PANK3: variants seen among roughly 807,000 people sequenced by gnomAD.
PANK3 encodes the protein pantothenate kinase 3, also known as hPanK3.
A neutral mutation model predicts 39.4 loss-of-function variants in PANK3; 20 were observed. That is an observed-to-expected ratio of 0.51 (90% CI 0.36 to 0.74). The LOEUF is 0.74. PANK3 is among the 30% of genes least tolerant of loss of function. The probability of loss-of-function intolerance (pLI) is 0.00; values close to 1 mark genes in which losing one functional copy is unlikely to be tolerated. For missense variants in PANK3, 265 were observed against 437.0 expected, an observed-to-expected ratio of 0.61 and a Z score of 3.51; for synonymous variants, 140 against 157.3, an observed-to-expected ratio of 0.89 and a Z score of 0.82.
At chr5:168,578,240 A>T (rs1759762546) in intron 1 of PANK3, among the ~76,000 whole-genome samples, 1 of 152,224 alleles carries the variant, frequency 6.6e-6, no homozygotes, top group Non-Finnish European at 1.5e-5. Context: ...CCTTACAGTT[A>T]TATAGGAATT....
At position 168,551,930 on chromosome 5, in the gene PANK3, C is replaced by A. The variant is rs1284605590; in HGVS notation, c.*5641G>T. 6.6e-6 allele frequency: 1 copy of A among 152,148 alleles called. No homozygotes were observed. The highest frequency in any genetic ancestry group is 2.4e-5 in the African/African-American group (1 of 41,420). The allele number at this position is 152,148 out of a possible 1,614,324, so 9.4% of individuals were successfully genotyped here. A position where few individuals can be genotyped will look rare whatever the true frequency, so the allele number is the denominator to read the frequency against. ...TCCAACTTTATTTAGAGTAGCTGAG[C>A]AAGGAACTGCCATGTCAAATTACAT... On this transcript the variant is annotated 3_prime_UTR_variant, in exon 7 of 7. Coordinates refer to ENST00000239231, the MANE Select transcript of PANK3 (RefSeq NM_024594.4).
chr5:168,563,640 ATTTGTAT>A (rs1225026354), intron 4 of PANK3, among the ~76,000 whole-genome samples: 1 of 151,528 alleles, frequency 6.6e-6, no homozygotes, highest in African/African-American at 2.4e-5. Context: ...AAAAATATGT[ATTTGTAT>A]TTGCATAAAC....
At chr5:168,565,554 A>G (rs1292966942) in intron 3 of PANK3, among the ~76,000 whole-genome samples, 2 of 152,162 alleles carry the variant, frequency 1.3e-5, no homozygotes, top group Non-Finnish European at 2.9e-5. Context: ...TAAAATCAAT[A>G]GAACACTGTT....
Position 168,561,440 on chromosome 5 carries a change from T to C in PANK3, c.889A>G (p.Ile297Val), listed in dbSNP as rs758358933. ...EDLARATLVTITNNIGSVARM... is the reference protein window; with the variant it reads ...EDLARATLVTVTNNIGSVARM... ...GCCACAGAACCAATGTTATTGGTGA[T>C]AGTAACTAAAGTAGCTCTTGCCAGA... Residue 297 changes from isoleucine to valine, a missense_variant, in exon 5 of 7, where the codon ATC (isoleucine) becomes GTC (valine). By Grantham distance (29) the Ile-to-Val change is conservative. Coordinates refer to ENST00000239231, the MANE Select transcript of PANK3 (RefSeq NM_024594.4). The C allele has an allele frequency of 2.1e-5, 33 of 1,603,532 alleles. No homozygotes were observed. Among genetic ancestry groups the C allele is most frequent in the East Asian group, 2.2e-5 (1 of 44,494 alleles).
Position 168,557,478 on chromosome 5 carries a change from T to C in PANK3, c.*93A>G. 1 of 1,146,510 alleles carries C rather than the reference T, an allele frequency of 8.7e-7. No individual in the cohort carries two copies. Among genetic ancestry groups the C allele is most frequent in the Non-Finnish European group, 1.3e-6 (1 of 769,822 alleles). The allele number at this position is 1,146,510 out of a possible 1,614,324, so 71.0% of individuals were successfully genotyped here. On this transcript the variant is annotated 3_prime_UTR_variant, in exon 7 of 7. Coordinates refer to ENST00000239231, the MANE Select transcript of PANK3 (RefSeq NM_024594.4). ...AGCAGCTTATGCTACTCTTTTATCC[T>C]TTGGTTCCCAGTGACAAACAATGCA...
At position 168,554,192 on chromosome 5, in the gene PANK3, T is replaced by C. The variant is rs2113099039; in HGVS notation, c.*3379A>G. 6.6e-6 allele frequency: 1 copy of C among 152,372 alleles called. No individual in the cohort carries two copies. Among genetic ancestry groups the C allele is most frequent in the South Asian group, 2.1e-4 (1 of 4,832 alleles). The allele number at this position is 152,372 out of a possible 1,614,324, so 9.4% of individuals were successfully genotyped here. A position where few individuals can be genotyped will look rare whatever the true frequency, so the allele number is the denominator to read the frequency against. On this transcript the variant is annotated 3_prime_UTR_variant, in exon 7 of 7. Coordinates refer to ENST00000239231, the MANE Select transcript of PANK3 (RefSeq NM_024594.4). ...CAAGTTAACACTGGAGGTCCAATAG[T>C]TTAGTGAAGTTGTTTTGAGACTCTT...
chr5:168,561,636 T>A (rs771218434), intron 4 of PANK3, 120 bp from the exon 5 acceptor site: 2 of 814,818 alleles, frequency 2.5e-6, no homozygotes, highest in Non-Finnish European at 3.4e-6. Context: ...TAGAAACACA[T>A]AGGGATAAGA....
rs186222327 is a variant in PANK3, at chr5:168,552,803, C to T, written c.*4768G>A. The T allele has an allele frequency of 5.4e-6, 1 of 184,338 alleles. No individual in the cohort carries two copies. Among genetic ancestry groups the T allele is most frequent in the Admixed American group, 5.7e-5 (1 of 17,450 alleles). The allele number at this position is 184,338 out of a possible 1,614,324, so 11.4% of individuals were successfully genotyped here. A position where few individuals can be genotyped will look rare whatever the true frequency, so the allele number is the denominator to read the frequency against. ...AGTCAAGAAGATAATATTAACCACTCCTGCACTAATCTATAGATTGGCTTC... is the reference window on the plus strand; with the variant it reads ...AGTCAAGAAGATAATATTAACCACTTCTGCACTAATCTATAGATTGGCTTC... On this transcript the variant is annotated 3_prime_UTR_variant, in exon 7 of 7. Transcript: ENST00000239231.
Position 168,576,874 on chromosome 5 carries a change from ATATTAT to A in PANK3, c.28+2376_28+2381del, listed in dbSNP as rs534672874. On this transcript the variant is annotated intron_variant, in intron 1 of 6. Transcript: ENST00000239231. ...GTGATTTAAAGTTAAAATAATATTA[ATATTAT>A]TATTATTATTATTATTTGAGACGGA... Among the ~76,000 whole-genome samples, 1,440 of 150,408 alleles carry A rather than the reference ATATTAT, an allele frequency of 9.6e-3. 29 individuals are homozygous for A. Among genetic ancestry groups the A allele is most frequent in the African/African-American group, 0.033 (1,347 of 41,150 alleles).
At chr5:168,558,002 C>T (rs1209601258) in intron 6 of PANK3, among the ~76,000 whole-genome samples, 1 of 152,130 alleles carries the variant, frequency 6.6e-6, no homozygotes, top group Non-Finnish European at 1.5e-5. Context: ...AGGACTGTAA[C>T]AGCAATTCTG....
At position 168,554,111 on chromosome 5, in the gene PANK3, T is replaced by C. The variant is rs1479410891; in HGVS notation, c.*3460A>G. The C allele has an allele frequency of 6.6e-6, 1 of 152,216 alleles. No individual in the cohort carries two copies. The highest frequency in any genetic ancestry group is 1.5e-5 in the Non-Finnish European group (1 of 68,034). 9.4% of individuals were successfully genotyped at this position (152,216 alleles called of 1,614,324 possible). A position where few individuals can be genotyped will look rare whatever the true frequency, so the allele number is the denominator to read the frequency against. On this transcript the variant is annotated 3_prime_UTR_variant, in exon 7 of 7. Transcript: ENST00000239231. ...GTAAAGCCTTTTACCTGGGAATTTA[T>C]TCTCTCTTTTGTATTTTTGATAGTG... is the stretch of plus-strand genomic sequence containing the variant.
At chr5:168,562,257 A>T (rs1459974719) in intron 4 of PANK3, among the ~76,000 whole-genome samples, 2 of 152,158 alleles carry the variant, frequency 1.3e-5, no homozygotes, top group Non-Finnish European at 2.9e-5. Flanking sequence ...TACAAACAAA[A>T]AAATATCTTT....
At position 168,554,069 on chromosome 5, in the gene PANK3, T is replaced by C. The variant is rs1055454535; in HGVS notation, c.*3502A>G. The C allele has an allele frequency of 2.0e-5, 3 of 152,232 alleles. No individual in the cohort carries two copies. Among genetic ancestry groups the C allele is most frequent in the African/African-American group, 4.8e-5 (2 of 41,470 alleles). The allele number at this position is 152,232 out of a possible 1,614,324, so 9.4% of individuals were successfully genotyped here. On this transcript the variant is annotated 3_prime_UTR_variant, in exon 7 of 7. Coordinates refer to ENST00000239231, the MANE Select transcript of PANK3 (RefSeq NM_024594.4). ...GATCAGTGTTTAGTAAACAAAAGCA[T>C]AATAGTTCCAAAATTTGTAAAGCCT...
In PANK3 at chr5:168,554,256, T is replaced by C. The variant is rs905301093; in HGVS notation, c.*3315A>G. On this transcript the variant is annotated 3_prime_UTR_variant, in exon 7 of 7. Transcript: ENST00000239231. Reference sequence around the variant, plus strand: ...GAAGTAGAAATGCTTGGGGATAAAATTGACTTCTATACATTACCAGTAAAT... The same window carrying C: ...GAAGTAGAAATGCTTGGGGATAAAACTGACTTCTATACATTACCAGTAAAT... The C allele has an allele frequency of 6.6e-5, 10 of 152,212 alleles. 1 individual carries two copies. The highest frequency in any genetic ancestry group is 1.2e-4 in the African/African-American group (5 of 41,462). The allele number at this position is 152,212 out of a possible 1,614,324, so 9.4% of individuals were successfully genotyped here.
intron 2 of PANK3, 127 bp from the exon 3 acceptor site, chr5:168,566,393 T>G: frequency 9.4e-7 from 1 of 1,059,404 alleles, no homozygotes; most frequent in Admixed American, 2.8e-5. Context: ...TTTTGTTTCA[T>G]GTCAGAATCT....
intron 1 of PANK3, among the ~76,000 whole-genome samples, chr5:168,578,009 T>G (rs1759754979): frequency 6.6e-6 from 1 of 152,226 alleles, no homozygotes; most frequent in South Asian, 2.1e-4. Context: ...TATGACAGGA[T>G]CTATTCAGTT....
intron 4 of PANK3, 93 bp downstream of exon 4, chr5:168,563,796 C>A: frequency 8.7e-7 from 1 of 1,145,552 alleles, no homozygotes. Context: ...GAGAAAGCAC[C>A]CTTACAACTT....
At chr5:168,558,110 T>C (rs1759379973) in intron 6 of PANK3, among the ~76,000 whole-genome samples, 1 of 151,724 alleles carries the variant, frequency 6.6e-6, no homozygotes, top group South Asian at 2.1e-4. Context: ...GGGCACACCA[T>C]TCTGATTTGT....
intron 1 of PANK3, 89 bp downstream of exon 1, chr5:168,579,167 G>A (rs1759787460): frequency 8.1e-7 from 1 of 1,239,456 alleles, no homozygotes; most frequent in Non-Finnish European, 1.1e-6. Flanking sequence ...AGGAGCGACG[G>A]GCTTGGAAGC....
Sources: gnomAD v4.1 joint callset for allele counts (sites outside exome capture counted in the v4.1 genomes callset) on GRCh38, gnomAD v4.1.1 for gene constraint, MANE v1.5 for transcripts, NCBI Gene and HGNC (gene_info 2026-07-23, HGNC 2026-07-21) for gene names.